Variants in GPC6 observed in about 807,000 individuals in gnomAD.
The protein encoded by GPC6 is glypican 6.
GPC6 carries 14 observed loss-of-function variants against 55.2 expected under a neutral mutation model. The observed-to-expected ratio is 0.25, with a 90% confidence interval of 0.17 to 0.40. The LOEUF is 0.40. Ranked by LOEUF, GPC6 falls within the 10% of genes least tolerant of loss-of-function variation. The pLI is 1.00. For synonymous variants in GPC6, 278 were observed against 259.6 expected (o/e 1.07, Z -0.68); for missense variants, 641 against 708.5 (o/e 0.90, Z 1.08).
intron 1 of GPC6, among the ~76,000 whole-genome samples, chr13:93,390,634 C>T (rs1875589569): frequency 6.6e-6 from 1 of 152,146 alleles, no homozygotes; most frequent in East Asian, 1.9e-4. Context: ...TGCTAAGTTA[C>T]ATACATTAGT....
intron 1 of GPC6, among the ~76,000 whole-genome samples, chr13:93,412,714 A>G (rs1876554117): frequency 1.3e-5 from 2 of 152,168 alleles, no homozygotes; most frequent in Non-Finnish European, 2.9e-5. Flanking sequence ...GGATCATCAA[A>G]TAGAAATATA....
chr13:94,246,838 TTGTG>T (rs1891211698), intron 4 of GPC6, among the ~76,000 whole-genome samples: 1 of 152,000 alleles, frequency 6.6e-6, no homozygotes, highest in South Asian at 2.1e-4. Context: ...CACAGAATCG[TTGTG>T]GCTATTTAGG....
At chr13:93,680,052 C>T (rs769738559) in intron 2 of GPC6, among the ~76,000 whole-genome samples, 11 of 152,078 alleles carry the variant, frequency 7.2e-5, no homozygotes, top group African/African-American at 1.4e-4. Context: ...TGGGTTGAAT[C>T]GTGTTTTCTT....
intron 4 of GPC6, among the ~76,000 whole-genome samples, chr13:94,054,553 C>T (rs766119561): frequency 1.4e-4 from 22 of 152,168 alleles, no homozygotes; most frequent in Non-Finnish European, 2.8e-4. Context: ...CACCTTTTGA[C>T]ACCTCCTGGC....
In GPC6 at chr13:94,186,576, G is replaced by A. The variant is rs142276205; in HGVS notation, c.878-99773G>A. Among the ~76,000 whole-genome samples the A allele has an allele frequency of 2.6e-4, 40 of 152,226 alleles. 1 individual carries two copies. Among genetic ancestry groups the A allele is most frequent in the African/African-American group, 9.6e-4 (40 of 41,538 alleles). On this transcript the variant is annotated intron_variant, in intron 4 of 8. Coordinates refer to ENST00000377047, the MANE Select transcript of GPC6 (RefSeq NM_005708.5). The stretch of plus-strand genomic sequence containing the variant: ...TTTGAAACCATAAAATTCAACCCTT[G>A]GCTACGATGTTGGTGGGGGATTAAA...
chr13:93,696,614 ATT>A (rs144339785), intron 2 of GPC6, among the ~76,000 whole-genome samples: 7 of 136,650 alleles, frequency 5.1e-5, no homozygotes, highest in Admixed American at 7.5e-5. Context: ...ACCTCCATAA[ATT>A]TTTTTTTTTT....
In GPC6 at chr13:94,095,329, T is replaced by A. The variant is rs555217907; in HGVS notation, c.877+67435T>A. ...AACTGATGCTCTGGATAAGTGTCTTTTGATAGAAAAATAATGGGAAGCAGT... is the reference window on the plus strand; with the variant it reads ...AACTGATGCTCTGGATAAGTGTCTTATGATAGAAAAATAATGGGAAGCAGT... On this transcript the variant is annotated intron_variant, in intron 4 of 8. Coordinates refer to ENST00000377047, the MANE Select transcript of GPC6 (RefSeq NM_005708.5). Among the ~76,000 whole-genome samples the A allele has an allele frequency of 3.9e-5, 6 of 152,264 alleles. No homozygotes were observed. The South Asian group carries it at 1.2e-3, about 32-fold the overall frequency.
chr13:93,773,927 G>A (rs1030480440), intron 2 of GPC6, among the ~76,000 whole-genome samples: 4 of 152,126 alleles, frequency 2.6e-5, no homozygotes, highest in South Asian at 2.1e-4. Context: ...GTGCCCAATA[G>A]ACATCATTTT....
upstream of GPC6, among the ~76,000 whole-genome samples, chr13:93,223,759 A>G (rs1875682750): frequency 6.6e-6 from 1 of 151,882 alleles, no homozygotes; most frequent in African/African-American, 2.4e-5. Flanking sequence ...ACAATCTTAA[A>G]ATAAATATTT....
intron 2 of GPC6, among the ~76,000 whole-genome samples, chr13:93,783,279 A>T (rs1241588444): frequency 1.3e-5 from 2 of 152,108 alleles, no homozygotes; most frequent in Admixed American, 1.3e-4. Context: ...TGTAAGGAAG[A>T]TATGTGTGCA....
At chr13:93,710,582 C>A (rs1024439505) in intron 2 of GPC6, among the ~76,000 whole-genome samples, 2 of 151,698 alleles carry the variant, frequency 1.3e-5, no homozygotes, top group African/African-American at 4.8e-5. Flanking sequence ...CGTTATCTGT[C>A]CACTGGCTCC....
At chr13:94,381,405 C>T (rs140491248) in intron 6 of GPC6, among the ~76,000 whole-genome samples, 5 of 152,220 alleles carry the variant, frequency 3.3e-5, no homozygotes, top group South Asian at 2.1e-4. Flanking sequence ...CTCTCTCCTT[C>T]GCTTGTAAAT....
chr13:93,324,980 T>A (rs1879604802), intron 1 of GPC6, among the ~76,000 whole-genome samples: 1 of 152,136 alleles, frequency 6.6e-6, no homozygotes, highest in Admixed American at 6.6e-5. Flanking sequence ...CCTACCCCTC[T>A]AATGTATTTG....
intron 3 of GPC6, among the ~76,000 whole-genome samples, chr13:93,862,676 G>T (rs926523910): frequency 6.6e-6 from 1 of 151,630 alleles, no homozygotes; most frequent in African/African-American, 2.4e-5. Flanking sequence ...TATTGGACAA[G>T]TGGGATTAGT....
Position 93,227,460 on chromosome 13 carries a change from C to T in GPC6, c.4C>T (p.Pro2Ser). The T allele has an allele frequency of 1.9e-6, 3 of 1,613,796 alleles. No individual in the cohort carries two copies. The highest frequency in any genetic ancestry group is 1.1e-5 in the South Asian group (1 of 91,052). M[P>S]SWIGAVILPL... ...AGCTGGATTTGTATGTTGCACCATG[C>T]CTTCTTGGATCGGGGCTGTGATTCT... Residue 2 changes from proline to serine, a missense_variant, in exon 1 of 9, where the codon CCT becomes TCT. Coordinates refer to ENST00000377047, the MANE Select transcript of GPC6 (RefSeq NM_005708.5). This position sits in a 1 kb window ranked among gnomAD's most constrained non-coding sequence, Gnocchi z 4.3.
intron 7 of GPC6, among the ~76,000 whole-genome samples, chr13:94,391,026 C>T (rs1268616296): frequency 6.6e-6 from 1 of 152,130 alleles, no homozygotes; most frequent in African/African-American, 2.4e-5. Flanking sequence ...TGCAGGTCTA[C>T]TAAGAAAGAA....
chr13:93,249,151 C>T (rs1306304898), intron 1 of GPC6, among the ~76,000 whole-genome samples: 4 of 152,188 alleles, frequency 2.6e-5, no homozygotes, highest in African/African-American at 9.6e-5. Flanking sequence ...TACCACCTTA[C>T]TGAGCTGTCT....
chr13:93,885,613 T>C (rs1875276174), intron 3 of GPC6, among the ~76,000 whole-genome samples: 2 of 152,254 alleles, frequency 1.3e-5, no homozygotes, highest in African/African-American at 4.8e-5. Flanking sequence ...AAAATAAAAA[T>C]TACAGGCTAA....
chr13:93,469,160 T>C (rs1879020377), intron 1 of GPC6, among the ~76,000 whole-genome samples: 1 of 152,188 alleles, frequency 6.6e-6, no homozygotes, highest in African/African-American at 2.4e-5. Flanking sequence ...AATAAATGTA[T>C]TATAAATGAA....
Sources: gnomAD v4.1 joint callset for allele counts (sites outside exome capture counted in the v4.1 genomes callset) on GRCh38, gnomAD v4.1.1 for gene constraint, Gnocchi (gnomAD v3.1) non-coding constraint, MANE v1.5 for transcripts, NCBI Gene and HGNC (gene_info 2026-07-23, HGNC 2026-07-21) for gene names.